The following DSE variants were observed in gnomAD, a reference collection of about 807,000 sequenced individuals.
DSE encodes the protein dermatan-sulfate epimerase.
Under a neutral mutation model 84.4 loss-of-function variants are expected in DSE, and 36 were observed. The ratio of observed to expected loss-of-function variants is 0.43; its 90% CI spans 0.33 to 0.56. The LOEUF (loss-of-function observed/expected upper bound fraction) is 0.56, where lower values mean the gene tolerates loss of function less well. DSE is among the 20% of genes least tolerant of loss of function. The pLI, the probability that DSE is intolerant of heterozygous loss-of-function variation, is 0.06. For synonymous variants in DSE, 410 were observed against 430.1 expected, an observed-to-expected ratio of 0.95 and a Z score of 0.58; for missense variants, 862 against 1,169.6, an observed-to-expected ratio of 0.74 and a Z score of 3.84.
At chr6:116,299,771 G>T (rs1055287070) in intron 2 of DSE, among the ~76,000 whole-genome samples, 6 of 151,656 alleles carry the variant, frequency 4.0e-5, no homozygotes, top group African/African-American at 1.5e-4. Flanking sequence ...ACTTTTTAGG[G>T]CACATCTTTA....
At chr6:116,289,687 T>C (rs1309761030) in intron 2 of DSE, among the ~76,000 whole-genome samples, 2 of 152,012 alleles carry the variant, frequency 1.3e-5, no homozygotes, top group African/African-American at 4.8e-5. Context: ...TAAAACAAAA[T>C]TCATCAAGGT....
chr6:116,271,490 T>G (rs1772874921), intron 2 of DSE, among the ~76,000 whole-genome samples: 2 of 152,082 alleles, frequency 1.3e-5, no homozygotes, highest in African/African-American at 2.4e-5. Context: ...CTCAGAGAGA[T>G]TCTTGAGAGG....
intron 2 of DSE, among the ~76,000 whole-genome samples, chr6:116,350,786 C>T (rs1046069054): frequency 2.0e-5 from 3 of 151,948 alleles, no homozygotes; most frequent in East Asian, 1.9e-4. Flanking sequence ...TAAACGTGTA[C>T]GGTACCAAAT....
rs1403959063 is a variant in DSE, at chr6:116,431,041, G to T, written c.758G>T (p.Gly253Val). 1 of 1,614,144 alleles carries T rather than the reference G, an allele frequency of 6.2e-7. No individual in the cohort carries two copies. The highest frequency in any genetic ancestry group is 1.7e-5 in the Admixed American group (1 of 60,024). ...GTCTTGCTCAGGGAGGTGACGGATGGCTCCCTCTATGAAGGAGTTGCGTAT... is the reference window on the plus strand; with the variant it reads ...GTCTTGCTCAGGGAGGTGACGGATGTCTCCCTCTATGAAGGAGTTGCGTAT... ...SLVLLREVTD[G>V]SLYEGVAYGS... The change falls in exon 4 of 6, where the codon GGC becomes GTC. Residue 253 changes from glycine (G) to valine (V), a missense_variant. Gly to Val is a moderately radical substitution (Grantham distance 109, BLOSUM62 -3). Around this residue, in one of 4 missense-constraint regions of DSE, gnomAD observed 309 missense variants for 516.9 expected, o/e 0.60. Coordinates refer to ENST00000644252, the MANE Select transcript of DSE (RefSeq NM_013352.4).
chr6:116,326,106 G>A (rs532462333), intron 2 of DSE, among the ~76,000 whole-genome samples: 5 of 152,148 alleles, frequency 3.3e-5, no homozygotes, highest in South Asian at 2.1e-4. Flanking sequence ...GTGTGGCGCC[G>A]GGCTGTCTGC....
intron 2 of DSE, among the ~76,000 whole-genome samples, chr6:116,340,873 T>G (rs979353288): frequency 2.6e-5 from 4 of 152,234 alleles, no homozygotes; most frequent in African/African-American, 9.6e-5. Context: ...CATATTTTCT[T>G]TATCCAGTCT....
rs774431859 is a variant in DSE at position 116,440,514 on chromosome 6, ATT to A, written c.*3171_*3172del. Reference sequence around the variant, plus strand: ...CAAACCACTCACAAAAGAATCTGAAATTTCTCCAAGTGTTAAGAGAAAGCAAG... The same window carrying A: ...CAAACCACTCACAAAAGAATCTGAAATCTCCAAGTGTTAAGAGAAAGCAAG... On this transcript the variant is annotated 3_prime_UTR_variant, in exon 6 of 6. Transcript: ENST00000644252. The A allele has an allele frequency of 2.0e-4, 30 of 152,298 alleles. No homozygotes were observed. The East Asian group carries it at 4.4e-3, about 23-fold the overall frequency. 9.4% of individuals were successfully genotyped at this position (152,298 alleles called of 1,614,324 possible).
intron 1 of DSE, among the ~76,000 whole-genome samples, chr6:116,371,829 G>T (rs1293500257): frequency 6.6e-6 from 1 of 152,238 alleles, no homozygotes; most frequent in Non-Finnish European, 1.5e-5. Flanking sequence ...GTCGGGGCTG[G>T]AATCTGAGCT....
At chr6:116,387,528 T>C (rs950470654) in intron 1 of DSE, among the ~76,000 whole-genome samples, 8 of 152,132 alleles carry the variant, frequency 5.3e-5, no homozygotes, top group East Asian at 1.9e-4. Flanking sequence ...AGCCATATTC[T>C]TGTGGGAAGT....
At position 116,307,513 on chromosome 6, in the gene DSE, CAAT is replaced by C. The variant is rs963792789; in HGVS notation, c.-54+48550_-54+48552del. 1.8e-4 allele frequency among the ~76,000 whole-genome samples: 27 copies of C among 152,240 alleles called. 1 individual carries two copies. The highest frequency in any genetic ancestry group is 1.7e-3 in the Admixed American group (26 of 15,292). ...ACATTTTATATGGATATGAACTAGA[CAAT>C]AATGTATGCTTATAATAATTGAGAA... On this transcript the variant is annotated intron_variant, in intron 2 of 3. Transcript: ENST00000430252.
chr6:116,370,937 C>T (rs970031002), upstream of DSE: 5 of 985,372 alleles, frequency 5.1e-6, no homozygotes, highest in East Asian at 4.5e-4. Flanking sequence ...CCCCCGCCGG[C>T]CCGGCTCTCA....
intron 2 of DSE, among the ~76,000 whole-genome samples, chr6:116,328,112 A>C (rs1390893329): frequency 2.6e-5 from 4 of 152,206 alleles, no homozygotes; most frequent in Non-Finnish European, 5.9e-5. Flanking sequence ...CCAAATGGGC[A>C]TTTCTTCTGT....
At chr6:116,431,266 C>A in intron 4 of DSE, 73 bp downstream of exon 4, 1 of 1,559,424 alleles carries the variant, frequency 6.4e-7, no homozygotes, top group South Asian at 1.2e-5. Flanking sequence ...ATGAGCTAGA[C>A]TAGGCAGAGA....
chr6:116,276,403 G>A (rs944811841), intron 2 of DSE, among the ~76,000 whole-genome samples: 1 of 152,122 alleles, frequency 6.6e-6, no homozygotes, highest in Non-Finnish European at 1.5e-5. Context: ...AAACTACATG[G>A]AAAAAAGTGA....
intron 2 of DSE, among the ~76,000 whole-genome samples, chr6:116,316,191 C>T (rs1775967285): frequency 6.6e-6 from 1 of 152,112 alleles, no homozygotes. Flanking sequence ...AAAATGTATT[C>T]TAAAAGGAGT....
intron 2 of DSE, among the ~76,000 whole-genome samples, chr6:116,353,512 C>A (rs1420232724): frequency 2.0e-5 from 3 of 152,164 alleles, no homozygotes; most frequent in Admixed American, 6.5e-5. Context: ...TTGTTTCAAT[C>A]ATAATAATAC....
At chr6:116,371,692 T>C (rs1425909111) in intron 1 of DSE, among the ~76,000 whole-genome samples, 2 of 152,126 alleles carry the variant, frequency 1.3e-5, no homozygotes, top group African/African-American at 4.8e-5. Flanking sequence ...GCTCCTGGGC[T>C]CCGCCGGCAC....
intron 2 of DSE, among the ~76,000 whole-genome samples, chr6:116,320,252 T>C (rs1776220727): frequency 6.6e-6 from 1 of 152,146 alleles, no homozygotes; most frequent in Non-Finnish European, 1.5e-5. Flanking sequence ...TAGGTATATA[T>C]TTTATTGCAA....
chr6:116,409,916 A>G (rs1479199344), intron 2 of DSE, among the ~76,000 whole-genome samples: 1 of 152,162 alleles, frequency 6.6e-6, no homozygotes, highest in African/African-American at 2.4e-5. Context: ...GCTGCTGTAC[A>G]AAGGCCTGGA....
Sources: gnomAD v4.1 joint callset for allele counts (sites outside exome capture counted in the v4.1 genomes callset) on GRCh38, gnomAD v4.1.1 for gene constraint, gnomAD v4.1.1 regional missense constraint, MANE v1.5 for transcripts, NCBI Gene and HGNC (gene_info 2026-07-23, HGNC 2026-07-21) for gene names.